The following PAQR8 variants were observed in gnomAD, a reference collection of about 807,000 sequenced individuals.
The protein encoded by PAQR8 is membrane progestin receptor beta.
In PAQR8, 17 loss-of-function variants were observed where a neutral mutation model predicts 25.2. That is an observed-to-expected ratio of 0.67 (90% CI 0.46 to 1.01). The LOEUF is 1.01. Among genes scored for constraint, PAQR8 ranks in the 50% least tolerant of loss-of-function variants. PAQR8 has a pLI of 0.00. For missense variants in PAQR8, 392 were observed against 448.4 expected, an observed-to-expected ratio of 0.87 and a Z score of 1.14; for synonymous variants, 204 against 190.6, an observed-to-expected ratio of 1.07 and a Z score of -0.58.
chr6:52,392,512 T>C (rs569847263), intron 1 of PAQR8, among the ~76,000 whole-genome samples: 49 of 152,234 alleles, frequency 3.2e-4, no homozygotes, highest in Non-Finnish European at 6.5e-4. Context: ...GGAGTGCTTC[T>C]ATTTGTCATC....
intron 1 of PAQR8, among the ~76,000 whole-genome samples, chr6:52,371,906 A>G (rs532987184): frequency 4.6e-5 from 7 of 152,326 alleles, no homozygotes; most frequent in Non-Finnish European, 8.8e-5. Flanking sequence ...GTGTGGGGGC[A>G]TGAAATCGTG....
chr6:52,396,727 C>A (rs896060658), intron 1 of PAQR8, among the ~76,000 whole-genome samples: 1 of 152,100 alleles, frequency 6.6e-6, no homozygotes, highest in Non-Finnish European at 1.5e-5. Context: ...ATGGAAAGGG[C>A]AAATGGCTTC....
chr6:52,403,252 G>A lies in PAQR8; in HGVS notation c.39G>A (p.Ser13=), dbSNP rs757051044. Residue 13 remains serine (S), a synonymous_variant, in exon 2 of 2, where the codon TCG becomes TCA. Transcript: ENST00000442253. The part of the protein sequence containing the change: ...TAILERLSTL[S]VSGQQLRRLP... ...TCTTGGAGCGCCTGAGCACCCTGTCGGTCAGCGGGCAGCAGCTGCGCCGCC... is the reference window on the plus strand; with the variant it reads ...TCTTGGAGCGCCTGAGCACCCTGTCAGTCAGCGGGCAGCAGCTGCGCCGCC... 3.7e-6 allele frequency: 6 copies of A among 1,609,692 alleles called. No individual in the cohort carries two copies. The highest frequency in any genetic ancestry group is 3.3e-5 in the South Asian group (3 of 90,970).
intron 1 of PAQR8, among the ~76,000 whole-genome samples, chr6:52,370,074 GTT>G (rs11304537): frequency 1.4e-5 from 2 of 148,132 alleles, no homozygotes; most frequent in Admixed American, 6.7e-5. Context: ...GATTGCATGG[GTT>G]TTTTTTTTTC....
intron 1 of PAQR8, among the ~76,000 whole-genome samples, chr6:52,371,245 G>A (rs1275974584): frequency 6.6e-6 from 1 of 152,154 alleles, no homozygotes; most frequent in African/African-American, 2.4e-5. Context: ...AGAAGCCAAA[G>A]ACCACTGAAG....
chr6:52,395,642 T>G (rs938482498), intron 1 of PAQR8, among the ~76,000 whole-genome samples: 1 of 152,246 alleles, frequency 6.6e-6, no homozygotes, highest in African/African-American at 2.4e-5. Context: ...TTAAAATCAA[T>G]TATAAGGTAG....
At chr6:52,363,310 G>T (rs1421651761) in intron 1 of PAQR8, among the ~76,000 whole-genome samples, 1 of 152,184 alleles carries the variant, frequency 6.6e-6, no homozygotes, top group Non-Finnish European at 1.5e-5. Context: ...CAGGCTCATT[G>T]TCTTGACCTA....
chr6:52,382,535 A>C (rs1374613320), intron 1 of PAQR8, among the ~76,000 whole-genome samples: 5 of 152,234 alleles, frequency 3.3e-5, no homozygotes, highest in Non-Finnish European at 5.9e-5. Flanking sequence ...GAGAATAGCA[A>C]CTAATGTGGA....
chr6:52,390,169 G>A (rs775846886), intron 1 of PAQR8, among the ~76,000 whole-genome samples: 10 of 152,158 alleles, frequency 6.6e-5, no homozygotes, highest in Admixed American at 3.3e-4. Flanking sequence ...TCTCCCACTC[G>A]ACAGATTAAA....
chr6:52,404,026 C>T lies in PAQR8; in HGVS notation c.813C>T (p.Phe271=). 1 of 1,614,232 alleles carries T rather than the reference C, an allele frequency of 6.2e-7. No individual in the cohort carries two copies. The highest frequency in any genetic ancestry group is 1.3e-5 in the African/African-American group (1 of 75,066). Residue 271 remains phenylalanine, a synonymous_variant, in exon 2 of 2, where the codon TTC becomes TTT. Coordinates refer to ENST00000442253, the MANE Select transcript of PAQR8 (RefSeq NM_133367.5). ...FFSCPVPEKY[F]PGSCDIVGHG... is the part of the protein sequence containing the mutation. ...CCTGCCCCGTGCCTGAGAAGTACTT[C>T]CCGGGTTCCTGTGACATCGTGGGCC... is the stretch of plus-strand genomic sequence containing the variant.
At position 52,403,161 on chromosome 6, in the gene PAQR8, G is replaced by A; in HGVS notation, c.-52-1G>A. ...TGCCAATTTTCCTTTCTTTTCTGCA[G>A]GTTGCATACCCTGTCCTGAGGGCGC... On this transcript the variant is annotated splice_acceptor_variant, in intron 1 of 1. Transcript: ENST00000442253. LOFTEE classifies it low-confidence loss of function (5UTR_SPLICE). 1 of 1,491,048 alleles carries A rather than the reference G, an allele frequency of 6.7e-7. No homozygotes were observed. 92.4% of individuals were successfully genotyped at this position (1,491,048 alleles called of 1,614,324 possible).
At chr6:52,394,341 A>G (rs1407635251) in intron 1 of PAQR8, among the ~76,000 whole-genome samples, 2 of 152,202 alleles carry the variant, frequency 1.3e-5, no homozygotes, top group Admixed American at 6.5e-5. Flanking sequence ...GTGTCATTTC[A>G]TTGTTTTATT....
intron 1 of PAQR8, among the ~76,000 whole-genome samples, chr6:52,378,750 C>G (rs987948500): frequency 8.0e-5 from 12 of 150,864 alleles, no homozygotes; most frequent in Non-Finnish European, 1.2e-4. Context: ...GAGATTGGGC[C>G]TCTGCACTCC....
chr6:52,393,473 C>T (rs1763733839), intron 1 of PAQR8, among the ~76,000 whole-genome samples: 1 of 151,214 alleles, frequency 6.6e-6, no homozygotes, highest in Non-Finnish European at 1.5e-5. Context: ...GTAATTGGGA[C>T]TACAGGTGTG....
chr6:52,364,083 GTTTTT>G (rs67846872), intron 1 of PAQR8, among the ~76,000 whole-genome samples: 9 of 84,286 alleles, frequency 1.1e-4, no homozygotes, highest in East Asian at 3.3e-4. Flanking sequence ...TGAAAGATAT[GTTTTT>G]TTTTTTTTTT....
chr6:52,368,174 T>C (rs182629723), intron 1 of PAQR8, among the ~76,000 whole-genome samples: 2 of 152,310 alleles, frequency 1.3e-5, no homozygotes, highest in Admixed American at 1.3e-4. Context: ...ATCAACTCAG[T>C]AACAAGCAGA....
chr6:52,395,493 T>C (rs975713807), intron 1 of PAQR8, among the ~76,000 whole-genome samples: 2 of 152,214 alleles, frequency 1.3e-5, no homozygotes, highest in African/African-American at 4.8e-5. Context: ...TCCAAATGAA[T>C]GTCCTCCATG....
At chr6:52,364,103 T>TTTTTTTTTTGG (rs59464397) in intron 1 of PAQR8, among the ~76,000 whole-genome samples, 1 of 138,960 alleles carries the variant, frequency 7.2e-6, no homozygotes, top group African/African-American at 2.8e-5. Flanking sequence ...TTTTTTTTTT[T>TTTTTTTTTTGG]GCGGGTGTGT....
intron 1 of PAQR8, chr6:52,373,408 A>G (rs1305948880): frequency 2.6e-5 from 4 of 152,258 alleles, no homozygotes; most frequent in Non-Finnish European, 5.9e-5. Flanking sequence ...TTTCTTTTAA[A>G]TGAATTCTCC....
Sources: allele counts gnomAD v4.1 joint callset (sites outside exome capture counted in the v4.1 genomes callset), GRCh38; gene constraint gnomAD v4.1.1; transcripts MANE v1.5; gene names NCBI Gene and HGNC (gene_info 2026-07-23, HGNC 2026-07-21).